DMXL1: variants seen among roughly 807,000 people sequenced by gnomAD.
DMXL1 encodes the protein Dmx like 1.
DMXL1 carries 99 observed loss-of-function variants against 319.2 expected under a neutral mutation model. The observed-to-expected ratio is 0.31, with a 90% CI of 0.26 to 0.37. The LOEUF (loss-of-function observed/expected upper bound fraction) is 0.37, where lower values mean the gene tolerates loss of function less well. Ranked by LOEUF, DMXL1 falls within the 10% of genes least tolerant of loss-of-function variation. The pLI is 1.00. For missense variants in DMXL1, 3,745 were observed against 3,595.6 expected, an observed-to-expected ratio of 1.04 and a Z score of -1.06; for synonymous variants, 1,385 against 1,235.2, an observed-to-expected ratio of 1.12 and a Z score of -2.54.
At chr5:119,219,460 A>T (rs1784271238) in intron 35 of DMXL1, among the ~76,000 whole-genome samples, 1 of 152,140 alleles carries the variant, frequency 6.6e-6, no homozygotes, top group South Asian at 2.1e-4. Context: ...TTTTTTCTTA[A>T]TAGTTTGTGT....
chr5:119,144,689 G>A, intron 15 of DMXL1, 51 bp downstream of exon 15: 2 of 1,162,428 alleles, frequency 1.7e-6, no homozygotes, highest in South Asian at 1.8e-5. Flanking sequence ...AGTATGTTAG[G>A]CAGTTAATAA....
chr5:119,241,124 T>C (rs1788707300), intron 42 of DMXL1, among the ~76,000 whole-genome samples: 1 of 152,196 alleles, frequency 6.6e-6, no homozygotes, highest in Non-Finnish European at 1.5e-5. Flanking sequence ...ATTTTGTATA[T>C]GTGTTTTATA....
At chr5:119,202,887 A>ATATATT (rs1554139458) in intron 32 of DMXL1, among the ~76,000 whole-genome samples, 1 of 111,634 alleles carries the variant, frequency 9.0e-6, no homozygotes, top group Non-Finnish European at 1.9e-5. Context: ...ATATATTTTT[A>ATATATT]TATATATATA....
rs1308909534 is a variant in DMXL1 at position 119,193,828 on chromosome 5, C to T, written c.7315C>T (p.Pro2439Ser). ...AAATTTCATGATTTCTTTATTTTAG[C>T]CTTTTCTACCCTCTTCTCAAAGTAG... ...LSIWDYFIAK[P>S]FLPSSQSRAE... The change falls in exon 30 of 44, where the codon CCT (proline) becomes TCT (serine). Residue 2439 changes from proline to serine, a missense_variant and splice_region_variant. Pro to Ser is a moderately conservative substitution (Grantham distance 74). Transcript: ENST00000539542. 6.2e-7 allele frequency: 1 copy of T among 1,609,922 alleles called. No homozygotes were observed. The highest frequency in any genetic ancestry group is 1.1e-5 in the South Asian group (1 of 90,206).
rs1365456184 is a variant in DMXL1, at chr5:119,116,346, T to C, written c.743+10T>C. ...GCAAATATATGCCTAGGTCAGTGGA[T>C]TGGTCATTTCCCTCCACATATTAAG... is the stretch of plus-strand genomic sequence containing the variant. On this transcript the variant is annotated intron_variant, in intron 7 of 43. Transcript: ENST00000539542. 1.2e-6 allele frequency: 2 copies of C among 1,611,110 alleles called. No individual in the cohort carries two copies. Among genetic ancestry groups the C allele is most frequent in the South Asian group, 1.1e-5 (1 of 90,818 alleles).
At chr5:119,104,111 C>G (rs1757838015) in intron 3 of DMXL1, 1 of 152,142 alleles carries the variant, frequency 6.6e-6, no homozygotes, top group Non-Finnish European at 1.5e-5. Flanking sequence ...CTTTCCTTTT[C>G]TTTGTATATT....
At chr5:119,175,161 TTTTTTCATTC>T (rs1230328166) in intron 25 of DMXL1, 90 bp from the exon 26 acceptor site, 1 of 814,162 alleles carries the variant, frequency 1.2e-6, no homozygotes, top group Admixed American at 3.2e-5. Flanking sequence ...GAATCAAAAA[TTTTTTCATTC>T]TTTTAAAAAT....
At chr5:119,111,983 C>G (rs948093385) in intron 5 of DMXL1, among the ~76,000 whole-genome samples, 1 of 150,798 alleles carries the variant, frequency 6.6e-6, no homozygotes, top group Non-Finnish European at 1.5e-5. Flanking sequence ...TTTTTTGAGA[C>G]GAAGTCTCGC....
At chr5:119,186,611 T>A (rs1777763421) in intron 28 of DMXL1, among the ~76,000 whole-genome samples, 1 of 152,220 alleles carries the variant, frequency 6.6e-6, no homozygotes, top group South Asian at 2.1e-4. Flanking sequence ...TATTTTAGTT[T>A]TAATCACAGC....
chr5:119,204,336 A>G (rs1227991368), intron 33 of DMXL1, among the ~76,000 whole-genome samples: 1 of 152,042 alleles, frequency 6.6e-6, no homozygotes, highest in Non-Finnish European at 1.5e-5. Flanking sequence ...ACTGGGTTTC[A>G]CCATATTGCC....
intron 40 of DMXL1, 152 bp from the exon 41 acceptor site, chr5:119,238,837 C>G (rs1788230485): frequency 1.1e-5 from 16 of 1,416,608 alleles, no homozygotes; most frequent in Middle Eastern, 2.5e-4. Context: ...CTCTGTATTA[C>G]TTTTACAATT....
rs1435711670 is a variant in DMXL1, at chr5:119,245,643, G to A, written c.8922+1067G>A. Among the ~76,000 whole-genome samples, 6 of 151,134 alleles carry A rather than the reference G, an allele frequency of 4.0e-5. No individual in the cohort carries two copies. In the South Asian group the frequency reaches 6.3e-4, roughly 16 times the overall value. Reference sequence around the variant, plus strand: ...CAACCTCCACCTCCCGGGTTCAAGCGATTTCCCTGCTTCAGCTTCCAGAGT... The same window carrying A: ...CAACCTCCACCTCCCGGGTTCAAGCAATTTCCCTGCTTCAGCTTCCAGAGT... On this transcript the variant is annotated intron_variant, in intron 43 of 43. Transcript: ENST00000539542.
Position 119,198,539 on chromosome 5 carries a change from A to C in DMXL1, c.7745+583A>C, listed in dbSNP as rs530519680. ...GCTGGTCACAAAAGTGTTAAGAGGA[A>C]AGTTTATAGCACTAAACAACAAGCA... On this transcript the variant is annotated intron_variant, in intron 32 of 43. Coordinates refer to ENST00000539542, the MANE Select transcript of DMXL1 (RefSeq NM_001290321.3). 3.3e-5 allele frequency among the ~76,000 whole-genome samples: 5 copies of C among 152,348 alleles called. No individual in the cohort carries two copies. In the East Asian group the frequency reaches 9.6e-4, roughly 29 times the overall value.
intron 10 of DMXL1, chr5:119,132,604 G>T (rs1765167997): frequency 9.6e-6 from 3 of 311,318 alleles, no homozygotes; most frequent in Admixed American, 4.0e-5. Context: ...TTGGACCCGG[G>T]CAGCAGAGGT....
intron 1 of DMXL1, among the ~76,000 whole-genome samples, chr5:119,083,455 A>G (rs974331775): frequency 4.6e-5 from 7 of 152,278 alleles, no homozygotes; most frequent in East Asian, 1.9e-4. Context: ...ACATGGGCAC[A>G]TAGATGTCTT....
chr5:119,133,914 C>T lies in DMXL1; in HGVS notation c.1990C>T (p.Pro664Ser). The change falls in exon 12 of 44, where the codon CCA (proline) becomes TCA (serine). Residue 664 changes from proline (P) to serine (S), a missense_variant. By Grantham distance (74) the Pro-to-Ser change is moderately conservative. This residue lies in a region of DMXL1 where 2,096 missense variants were observed against 1,985.4 expected (regional missense o/e 1.06). Transcript: ENST00000539542. ...ATCACACCATAATGCATTAAGGACA[C>T]CAGATGTTGATAACCCAGAGCAACC... Reference protein sequence around the residue: ...TTSHHNALRTPDVDNPEQPFD... With the variant: ...TTSHHNALRTSDVDNPEQPFD... 6.2e-7 allele frequency: 1 copy of T among 1,614,136 alleles called. No individual in the cohort carries two copies. Among genetic ancestry groups the T allele is most frequent in the Non-Finnish European group, 8.5e-7 (1 of 1,180,008 alleles).
In DMXL1 at chr5:119,246,536, A is replaced by G. The variant is rs1332760910; in HGVS notation, c.8923-459A>G. ...TACAGAATCAAGGTGTTATGATCCTAGGCCTACACAGATTTTTCTCTATTT... is the reference window on the plus strand; with the variant it reads ...TACAGAATCAAGGTGTTATGATCCTGGGCCTACACAGATTTTTCTCTATTT... On this transcript the variant is annotated intron_variant, in intron 43 of 43. Coordinates refer to ENST00000539542, the MANE Select transcript of DMXL1 (RefSeq NM_001290321.3). 5.9e-5 allele frequency among the ~76,000 whole-genome samples: 9 copies of G among 152,184 alleles called. No individual in the cohort carries two copies. In the East Asian group the frequency reaches 1.7e-3, roughly 29 times the overall value.
At chr5:119,105,909 AAAGG>A (rs202217741) in intron 4 of DMXL1, among the ~76,000 whole-genome samples, 8,799 of 150,810 alleles carry the variant, frequency 0.058, 582 homozygotes, top group East Asian at 0.35. Flanking sequence ...AAAAAAAAAA[AAAGG>A]AAGAAAATAT....
At chr5:119,107,349 A>G (rs1372020174) in intron 4 of DMXL1, among the ~76,000 whole-genome samples, 1 of 152,146 alleles carries the variant, frequency 6.6e-6, no homozygotes, top group East Asian at 1.9e-4. Context: ...TCAGAAAAAA[A>G]AAAAGAAAAG....
Sources: allele counts gnomAD v4.1 joint callset (sites outside exome capture counted in the v4.1 genomes callset), GRCh38; gene constraint gnomAD v4.1.1; regional missense constraint gnomAD v4.1.1; transcripts MANE v1.5; gene names NCBI Gene and HGNC (gene_info 2026-07-23, HGNC 2026-07-21).